The following PCDHGA8 variants were observed in gnomAD, a reference collection of about 807,000 sequenced individuals.
The protein encoded by PCDHGA8 is protocadherin gamma subfamily A, 8.
PCDHGA8 carries 45 observed loss-of-function variants against 59.2 expected under a neutral mutation model. The ratio of observed to expected loss-of-function variants is 0.76; its 90% CI spans 0.60 to 0.98. PCDHGA8 has a LOEUF of 0.98. Among genes scored for constraint, PCDHGA8 ranks in the 50% least tolerant of loss-of-function variants. The pLI is 0.00. For missense variants in PCDHGA8, 1,257 were observed against 1,196.2 expected (o/e 1.05, Z -0.75); for synonymous variants, 531 against 519.0 (o/e 1.02, Z -0.32).
intron 1 of PCDHGA8, among the ~76,000 whole-genome samples, chr5:141,464,402 G>T (rs900750443): frequency 6.6e-6 from 1 of 150,722 alleles, no homozygotes; most frequent in African/African-American, 2.4e-5. Context: ...AAGAACCTGA[G>T]ATATATATAT....
intron 1 of PCDHGA8, chr5:141,403,322 A>G (rs1156229289): frequency 6.2e-7 from 1 of 1,613,982 alleles, no homozygotes; most frequent in Non-Finnish European, 8.5e-7. Flanking sequence ...AATAGAAGTA[A>G]CTGATATTAA....
chr5:141,419,604 C>T (rs1279434352), intron 1 of PCDHGA8: 1 of 1,611,850 alleles, frequency 6.2e-7, no homozygotes, highest in East Asian at 2.2e-5. Flanking sequence ...CCGCGGGCCG[C>T]GCAGCCAGGC....
At chr5:141,495,463 G>T (rs1562169154) in intron 2 of PCDHGA8, among the ~76,000 whole-genome samples, 1 of 152,114 alleles carries the variant, frequency 6.6e-6, no homozygotes, top group Non-Finnish European at 1.5e-5. Context: ...TCTGTCTGTG[G>T]GGTCTCCGTG....
chr5:141,447,533 G>T (rs2098541881), intron 1 of PCDHGA8, among the ~76,000 whole-genome samples: 1 of 152,120 alleles, frequency 6.6e-6, no homozygotes, highest in South Asian at 2.1e-4. Flanking sequence ...CAAAATTGTT[G>T]GGTTTTAATG....
chr5:141,404,073 G>A lies in PCDHGA8; in HGVS notation c.2424+8836G>A, dbSNP rs746951310. On this transcript the variant is annotated intron_variant, in intron 1 of 3. Transcript: ENST00000398604. The stretch of plus-strand genomic sequence containing the variant: ...ATTCTTCTTTTCAATGCTCATGACC[G>A]AGACTCCGGGAAGAATGGTCAAGTT... The A allele has an allele frequency of 1.5e-5, 24 of 1,613,602 alleles. No individual in the cohort carries two copies. Among genetic ancestry groups the A allele is most frequent in the Non-Finnish European group, 1.9e-5 (22 of 1,179,684 alleles).
At chr5:141,399,632 C>A in intron 1 of PCDHGA8, 2 of 1,613,894 alleles carry the variant, frequency 1.2e-6, no homozygotes, top group Non-Finnish European at 1.7e-6. Context: ...TCTTACGTGT[C>A]CATGAGCGCG....
chr5:141,488,681 C>G, intron 1 of PCDHGA8, among the ~76,000 whole-genome samples: 1 of 152,204 alleles, frequency 6.6e-6, no homozygotes, highest in East Asian at 1.9e-4. Flanking sequence ...GGCTTTGCCT[C>G]TCCCAGAAGG....
chr5:141,450,479 G>GTTTT (rs1165567597), intron 1 of PCDHGA8, among the ~76,000 whole-genome samples: 124 of 152,020 alleles, frequency 8.2e-4, no homozygotes, highest in African/African-American at 2.9e-3. Flanking sequence ...GAGTTTGTTT[G>GTTTT]TTTGTTTGTC....
At chr5:141,451,957 A>C (rs1019378263) in intron 1 of PCDHGA8, among the ~76,000 whole-genome samples, 3 of 152,202 alleles carry the variant, frequency 2.0e-5, no homozygotes, top group African/African-American at 7.2e-5. Context: ...AGAAAGTGAC[A>C]TACCATCATT....
intron 1 of PCDHGA8, chr5:141,409,940 C>G: frequency 6.2e-7 from 1 of 1,613,236 alleles, no homozygotes. Flanking sequence ...TATGGTACCT[C>G]GCTCTGCAGA....
chr5:141,511,412 C>A lies in PCDHGA8; in HGVS notation c.*239C>A. 1.1e-6 allele frequency: 1 copy of A among 892,000 alleles called. No homozygotes were observed. Among genetic ancestry groups the A allele is most frequent in the Non-Finnish European group, 1.6e-6 (1 of 609,476 alleles). The allele number at this position is 892,000 out of a possible 1,614,324, so 55.3% of individuals were successfully genotyped here. On this transcript the variant is annotated 3_prime_UTR_variant, in exon 4 of 4. Coordinates refer to ENST00000398604, the MANE Select transcript of PCDHGA8 (RefSeq NM_032088.2). ...AACCCCCATCCAATCAACTGCTGTA[C>A]CCATGGGGGTAGTGGGGTTACTGTA...
intron 1 of PCDHGA8, chr5:141,478,227 G>A: frequency 6.2e-7 from 1 of 1,614,104 alleles, no homozygotes; most frequent in Non-Finnish European, 8.5e-7. Context: ...GTTTCTGTGG[G>A]GTTTGTGGTC....
Position 141,456,287 on chromosome 5 carries a change from C to A in PCDHGA8, c.2425-38520C>A, listed in dbSNP as rs951430060. On this transcript the variant is annotated intron_variant, in intron 1 of 3. Transcript: ENST00000398604. ...CTGGCTACTTCCTGCTGAAAAGGGGCGTCTAATGGAGAACAGCAGCTAGGG... is the reference window on the plus strand; with the variant it reads ...CTGGCTACTTCCTGCTGAAAAGGGGAGTCTAATGGAGAACAGCAGCTAGGG... Among the ~76,000 whole-genome samples, 11 of 152,166 alleles carry A rather than the reference C, an allele frequency of 7.2e-5. No individual in the cohort carries two copies. In the East Asian group the frequency reaches 1.9e-3, roughly 27 times the overall value.
In PCDHGA8 at chr5:141,403,333, C is replaced by T. The variant is rs376895778; in HGVS notation, c.2424+8096C>T. On this transcript the variant is annotated intron_variant, in intron 1 of 3. Transcript: ENST00000398604. ...TAGAAATAGAAGTAACTGATATTAA[C>T]GACAGCGCCCCAAAGTTCCAGGCCG... is the stretch of plus-strand genomic sequence containing the variant. 5 of 1,613,866 alleles carry T rather than the reference C, an allele frequency of 3.1e-6. No homozygotes were observed. The African/African-American group carries it at 5.3e-5, about 17-fold the overall frequency.
intron 1 of PCDHGA8, among the ~76,000 whole-genome samples, chr5:141,401,128 G>C (rs1271194736): frequency 6.6e-6 from 1 of 152,166 alleles, no homozygotes; most frequent in African/African-American, 2.4e-5. Context: ...TGGATCACAT[G>C]GTCAGGAGTT....
intron 1 of PCDHGA8, chr5:141,417,070 G>A (rs1324168481): frequency 6.6e-6 from 1 of 151,864 alleles, no homozygotes; most frequent in Non-Finnish European, 1.5e-5. Flanking sequence ...TGTAGCTATT[G>A]TGAGAAAATA....
At chr5:141,441,818 TG>T in intron 1 of PCDHGA8, 1 of 359,922 alleles carries the variant, frequency 2.8e-6, no homozygotes, top group Non-Finnish European at 5.5e-6. Flanking sequence ...ACCCCAGCTC[TG>T]GAGCGCAATG....
intron 1 of PCDHGA8, chr5:141,492,046 AC>A (rs955983612): frequency 2.0e-6 from 1 of 494,316 alleles, no homozygotes; most frequent in African/African-American, 2.0e-5. Context: ...TCACAGATCC[AC>A]CCCTGCAGCC....
In PCDHGA8 at chr5:141,393,947, G is replaced by C; in HGVS notation, c.1134G>C (p.Lys378Asn). 1 of 1,613,972 alleles carries C rather than the reference G, an allele frequency of 6.2e-7. No homozygotes were observed. Among genetic ancestry groups the C allele is most frequent in the South Asian group, 1.1e-5 (1 of 91,078 alleles). Residue 378 changes from lysine (K) to asparagine (N), a missense_variant, in exon 1 of 4, where the codon AAG becomes AAC. Transcript: ENST00000398604. ...FLSVHDQDSG[K>N]NGQVVCYTRD... ...GTGTGCATGACCAAGACTCTGGAAA[G>C]AATGGTCAAGTTGTCTGTTACACAC...
Sources: allele counts gnomAD v4.1 joint callset (sites outside exome capture counted in the v4.1 genomes callset), GRCh38; gene constraint gnomAD v4.1.1; transcripts MANE v1.5; gene names NCBI Gene and HGNC (gene_info 2026-07-23, HGNC 2026-07-21).